The following WWOX variants were observed in gnomAD, a reference collection of about 807,000 sequenced individuals.
WWOX encodes WW domain-containing oxidoreductase.
In WWOX, 69 loss-of-function variants were observed where a neutral mutation model predicts 46.2. The observed-to-expected ratio is 1.49, with a 90% CI of 1.23 to 1.82. The LOEUF (loss-of-function observed/expected upper bound fraction) is 1.82. Ranked by LOEUF, WWOX falls within the 40% of genes most tolerant of loss-of-function variation. The probability of loss-of-function intolerance (pLI) is 0.00; values close to 1 mark genes in which losing one functional copy is unlikely to be tolerated. For synonymous variants in WWOX, 359 were observed against 202.6 expected (o/e 1.77, Z -6.56); for missense variants, 919 against 542.6 (o/e 1.69, Z -6.89).
intron 8 of WWOX, among the ~76,000 whole-genome samples, chr16:78,915,088 C>G (rs2045216416): frequency 6.6e-6 from 1 of 152,114 alleles, no homozygotes; most frequent in Non-Finnish European, 1.5e-5. Flanking sequence ...TGGAAGACCT[C>G]TTGGCTGGTT....
At chr16:78,551,437 G>C (rs1358128091) in intron 8 of WWOX, 2 of 152,162 alleles carry the variant, frequency 1.3e-5, no homozygotes, top group African/African-American at 2.4e-5. Context: ...ATATTGCCCT[G>C]ATGTCTGGGA....
intron 8 of WWOX, among the ~76,000 whole-genome samples, chr16:78,447,721 A>T (rs903008115): frequency 5.9e-5 from 9 of 152,194 alleles, no homozygotes; most frequent in African/African-American, 7.2e-5. Flanking sequence ...GTTGCTGGGG[A>T]GTCAGTGGAG....
chr16:78,660,820 C>T (rs1418751552), intron 8 of WWOX, among the ~76,000 whole-genome samples: 4 of 152,136 alleles, frequency 2.6e-5, no homozygotes, highest in African/African-American at 9.7e-5. Flanking sequence ...TCAAAAAATG[C>T]ATGCAACTGA....
intron 8 of WWOX, among the ~76,000 whole-genome samples, chr16:78,577,736 A>AC (rs1393279340): frequency 2.0e-5 from 3 of 152,190 alleles, no homozygotes; most frequent in African/African-American, 7.2e-5. Flanking sequence ...CTATTTGACC[A>AC]CATCTTCCTA....
chr16:78,458,793 C>A (rs930820994), intron 8 of WWOX, among the ~76,000 whole-genome samples: 1 of 151,888 alleles, frequency 6.6e-6, no homozygotes, highest in Non-Finnish European at 1.5e-5. Context: ...TAGGTGGCGC[C>A]ACTTTTTATC....
intron 8 of WWOX, among the ~76,000 whole-genome samples, chr16:78,727,094 A>C (rs998046672): frequency 6.6e-6 from 1 of 152,118 alleles, no homozygotes; most frequent in African/African-American, 2.4e-5. Flanking sequence ...GAATGCATCC[A>C]TGGAATATGA....
At chr16:78,229,665 T>A (rs538278838) in intron 5 of WWOX, among the ~76,000 whole-genome samples, 5 of 151,952 alleles carry the variant, frequency 3.3e-5, no homozygotes, top group African/African-American at 1.2e-4. Context: ...TACTTCTTGT[T>A]TTGGGGGCTA....
At chr16:78,343,236 G>A (rs1597067061) in intron 5 of WWOX, among the ~76,000 whole-genome samples, 1 of 120,248 alleles carries the variant, frequency 8.3e-6, no homozygotes, top group Admixed American at 8.1e-5. Context: ...TATTCTGTGT[G>A]TGTGCCCTCT....
chr16:78,174,499 A>T (rs1436291402), intron 5 of WWOX, among the ~76,000 whole-genome samples: 1 of 152,212 alleles, frequency 6.6e-6, no homozygotes, highest in Non-Finnish European at 1.5e-5. Flanking sequence ...AATTCACAGC[A>T]TTCTACCCCA....
rs562679601 is a variant in WWOX at position 79,062,903 on chromosome 16, A to G, written c.1057-148705A>G. Among the ~76,000 whole-genome samples the G allele has an allele frequency of 2.6e-5, 4 of 152,326 alleles. No individual in the cohort carries two copies. The East Asian group carries it at 7.7e-4, about 29-fold the overall frequency. ...ACTTAGACTCAATCCAGGAAAAAAA[A>G]TAAATTTCTGGCTGTCCACCTGCTC... On this transcript the variant is annotated intron_variant, in intron 8 of 8. Coordinates refer to ENST00000566780, the MANE Select transcript of WWOX (RefSeq NM_016373.4).
intron 8 of WWOX, among the ~76,000 whole-genome samples, chr16:79,002,630 C>T (rs543476411): frequency 6.6e-6 from 1 of 152,150 alleles, no homozygotes; most frequent in Non-Finnish European, 1.5e-5. Context: ...TTGCATGAGG[C>T]CCTTTATTAA....
intron 8 of WWOX, among the ~76,000 whole-genome samples, chr16:79,096,629 T>C (rs897313071): frequency 2.0e-5 from 3 of 152,198 alleles, no homozygotes; most frequent in African/African-American, 7.2e-5. Context: ...TCACCTGCTT[T>C]ATTTTTCTCC....
At chr16:78,619,501 C>G (rs775326568) in intron 8 of WWOX, among the ~76,000 whole-genome samples, 1 of 151,712 alleles carries the variant, frequency 6.6e-6, no homozygotes, top group Non-Finnish European at 1.5e-5. Flanking sequence ...AGGACCCTGC[C>G]AACCTCCTCC....
At chr16:79,191,568 C>T (rs569243559) in intron 8 of WWOX, among the ~76,000 whole-genome samples, 1 of 152,316 alleles carries the variant, frequency 6.6e-6, no homozygotes, top group African/African-American at 2.4e-5. Context: ...CCTGTGGGAG[C>T]TCACGTTTTT....
At chr16:78,515,276 T>C (rs960351850) in intron 8 of WWOX, among the ~76,000 whole-genome samples, 23 of 152,160 alleles carry the variant, frequency 1.5e-4, no homozygotes, top group African/African-American at 5.5e-4. Context: ...CTGACTATTT[T>C]CTGAAATGAT....
At chr16:78,998,332 C>G (rs1272427765) in intron 8 of WWOX, among the ~76,000 whole-genome samples, 2 of 152,182 alleles carry the variant, frequency 1.3e-5, no homozygotes, top group Admixed American at 1.3e-4. Flanking sequence ...GGGCTCTGAG[C>G]TTCTTGAGTG....
intron 8 of WWOX, among the ~76,000 whole-genome samples, chr16:79,047,635 T>A (rs2150522887): frequency 6.6e-6 from 1 of 151,232 alleles, no homozygotes; most frequent in Middle Eastern, 3.4e-3. Flanking sequence ...CAGTTCTGGA[T>A]GTCAGAACTG....
chr16:79,098,431 A>G (rs964523448), intron 8 of WWOX, among the ~76,000 whole-genome samples: 2 of 152,216 alleles, frequency 1.3e-5, no homozygotes, highest in African/African-American at 4.8e-5. Context: ...CTCAGGGGTC[A>G]CCATGGGCAA....
At chr16:78,297,729 A>C (rs2079965146) in intron 5 of WWOX, among the ~76,000 whole-genome samples, 1 of 152,114 alleles carries the variant, frequency 6.6e-6, no homozygotes. Context: ...ATGGAGACCT[A>C]TGCATGGTGG....
Sources: allele counts gnomAD v4.1 joint callset (sites outside exome capture counted in the v4.1 genomes callset), GRCh38; gene constraint gnomAD v4.1.1; transcripts MANE v1.5; gene names NCBI Gene and HGNC (gene_info 2026-07-23, HGNC 2026-07-21).